Variants in CTNNA2 observed in about 807,000 individuals in gnomAD.
The protein encoded by CTNNA2 is catenin alpha 2.
In CTNNA2, 42 loss-of-function variants were observed where a neutral mutation model predicts 101.0. The ratio of observed to expected loss-of-function variants is 0.42; its 90% CI spans 0.32 to 0.54. The LOEUF is 0.54. Ranked by LOEUF, CTNNA2 falls within the 20% of genes least tolerant of loss-of-function variation. CTNNA2 has a pLI of 0.14. For missense variants in CTNNA2, 871 were observed against 1,223.1 expected, an observed-to-expected ratio of 0.71 and a Z score of 4.29; for synonymous variants, 450 against 456.4, an observed-to-expected ratio of 0.99 and a Z score of 0.18.
At chr2:80,453,853 A>T (rs990370001) in intron 9 of CTNNA2, among the ~76,000 whole-genome samples, 5 of 152,142 alleles carry the variant, frequency 3.3e-5, no homozygotes, top group African/African-American at 1.2e-4. Context: ...ACTGAATGTC[A>T]AGCTTTTTGT....
chr2:80,501,584 A>C (rs2149533630), intron 9 of CTNNA2, among the ~76,000 whole-genome samples: 1 of 152,320 alleles, frequency 6.6e-6, no homozygotes, highest in East Asian at 1.9e-4. Context: ...CATACCTTTA[A>C]AATTCTCTTA....
intron 7 of CTNNA2, among the ~76,000 whole-genome samples, chr2:80,051,166 A>T (rs1037304237): frequency 6.6e-6 from 1 of 152,236 alleles, no homozygotes; most frequent in African/African-American, 2.4e-5. Flanking sequence ...TGGGAATCTT[A>T]TGAGAATATT....
chr2:79,286,333 G>A (rs963089867), intron 2 of CTNNA2, among the ~76,000 whole-genome samples: 12 of 152,056 alleles, frequency 7.9e-5, no homozygotes, highest in African/African-American at 1.4e-4. Context: ...TAGTTCATGC[G>A]GTTTCTTCCT....
At chr2:80,089,118 T>C (rs2148817319) in intron 7 of CTNNA2, among the ~76,000 whole-genome samples, 1 of 152,118 alleles carries the variant, frequency 6.6e-6, no homozygotes, top group Middle Eastern at 3.4e-3. Flanking sequence ...TGTACCACTT[T>C]AGAGGAACTA....
At chr2:80,164,313 C>A (rs1704521820) in intron 7 of CTNNA2, among the ~76,000 whole-genome samples, 1 of 151,820 alleles carries the variant, frequency 6.6e-6, no homozygotes, top group African/African-American at 2.4e-5. Flanking sequence ...TAATATATCT[C>A]TTGGCATAGC....
intron 7 of CTNNA2, among the ~76,000 whole-genome samples, chr2:80,188,502 G>C (rs891932133): frequency 3.3e-5 from 5 of 152,116 alleles, no homozygotes; most frequent in African/African-American, 1.2e-4. Flanking sequence ...CTGGAGATTA[G>C]AAGTCCAATA....
chr2:80,513,755 CAA>C (rs1378427484), intron 9 of CTNNA2, among the ~76,000 whole-genome samples: 1 of 152,146 alleles, frequency 6.6e-6, no homozygotes, highest in African/African-American at 2.4e-5. Flanking sequence ...CATCCAACTG[CAA>C]GAGAGGAGAA....
intron 3 of CTNNA2, among the ~76,000 whole-genome samples, chr2:79,361,874 C>T (rs1045251927): frequency 1.3e-5 from 2 of 152,144 alleles, no homozygotes; most frequent in Non-Finnish European, 2.9e-5. Context: ...GCCACTCTGG[C>T]AGCTGATTAC....
intron 7 of CTNNA2, among the ~76,000 whole-genome samples, chr2:80,220,160 C>A (rs990267488): frequency 6.6e-6 from 1 of 152,154 alleles, no homozygotes; most frequent in African/African-American, 2.4e-5. Context: ...TGTAAAAGTT[C>A]ACGATTTAAA....
chr2:79,356,228 G>A (rs1677506067), intron 3 of CTNNA2, among the ~76,000 whole-genome samples: 2 of 151,620 alleles, frequency 1.3e-5, no homozygotes, highest in African/African-American at 4.8e-5. Flanking sequence ...TCTTTCATAT[G>A]CTTATTGGTC....
At chr2:79,329,124 C>A (rs895656143) in intron 3 of CTNNA2, among the ~76,000 whole-genome samples, 9 of 152,054 alleles carry the variant, frequency 5.9e-5, no homozygotes, top group Non-Finnish European at 1.0e-4. Context: ...AATAAGGTCA[C>A]AATAACAGGT....
chr2:80,242,519 G>A (rs1013952082), intron 7 of CTNNA2, among the ~76,000 whole-genome samples: 2 of 152,108 alleles, frequency 1.3e-5, no homozygotes, highest in African/African-American at 4.8e-5. Context: ...CTTTTGCTAG[G>A]CTCTTTGAGC....
intron 2 of CTNNA2, among the ~76,000 whole-genome samples, chr2:79,274,636 GC>G (rs1368074608): frequency 6.6e-6 from 1 of 151,772 alleles, no homozygotes; most frequent in Non-Finnish European, 1.5e-5. Context: ...TATACACATA[GC>G]TTTTCAGCTT....
intron 8 of CTNNA2, 100 bp from the exon 9 acceptor site, chr2:80,419,349 C>A (rs934703889): frequency 1.0e-5 from 9 of 893,096 alleles, no homozygotes; most frequent in Non-Finnish European, 1.4e-5. Flanking sequence ...GGAATATTAT[C>A]TCCATGGGTA....
chr2:80,159,667 T>G (rs1704192493), intron 7 of CTNNA2, among the ~76,000 whole-genome samples: 1 of 152,044 alleles, frequency 6.6e-6, no homozygotes, highest in African/African-American at 2.4e-5. Flanking sequence ...AGAGATGGGA[T>G]TTCACCATGT....
intron 18 of CTNNA2, among the ~76,000 whole-genome samples, chr2:80,641,764 AGATTATTAAAAATATCTTAG>A (rs1673516499): frequency 1.5e-5 from 2 of 134,212 alleles, no homozygotes; most frequent in African/African-American, 5.6e-5. Context: ...GTTATATCTT[AGATTATTAAAAATATCTTAG>A]ATTATTAAAA....
chr2:79,600,364 G>C (rs1052805209), intron 1 of CTNNA2, among the ~76,000 whole-genome samples: 34 of 151,842 alleles, frequency 2.2e-4, no homozygotes, highest in African/African-American at 7.5e-4. Context: ...TTTTAGTAGA[G>C]ACAGGGTTTC....
chr2:79,936,546 T>A (rs944800217), intron 7 of CTNNA2, among the ~76,000 whole-genome samples: 44 of 16,772 alleles, frequency 2.6e-3, no homozygotes, highest in African/African-American at 8.3e-3. Context: ...CCAAGCGTCC[T>A]TTTTTTTTTT....
At chr2:79,869,347 C>T (rs1682403804) in intron 4 of CTNNA2, among the ~76,000 whole-genome samples, 1 of 152,166 alleles carries the variant, frequency 6.6e-6, no homozygotes, top group South Asian at 2.1e-4. Flanking sequence ...TCCCTTTAGT[C>T]CCGGTGCTAG....
Sources: allele counts gnomAD v4.1 joint callset (sites outside exome capture counted in the v4.1 genomes callset), GRCh38; gene constraint gnomAD v4.1.1; transcripts MANE v1.5; gene names NCBI Gene and HGNC (gene_info 2026-07-23, HGNC 2026-07-21).